The following CUL5 variants were observed in gnomAD, a reference collection of about 807,000 sequenced individuals.
The protein encoded by CUL5 is cullin 5.
A neutral mutation model predicts 108.8 loss-of-function variants in CUL5; 26 were observed. The observed-to-expected ratio is 0.24, with a 90% CI of 0.18 to 0.33. CUL5 has a LOEUF of 0.33. CUL5 is among the 10% of genes least tolerant of loss of function. CUL5 has a pLI of 1.00. For synonymous variants in CUL5, 334 were observed against 298.0 expected (o/e 1.12, Z -1.25); for missense variants, 524 against 909.2 (o/e 0.58, Z 5.45).
Position 108,104,370 on chromosome 11 carries a change from A to T in CUL5, c.2329A>T (p.Ile777Leu). The T allele has an allele frequency of 6.5e-7, 1 of 1,550,144 alleles. No homozygotes were observed. Among genetic ancestry groups the T allele is most frequent in the Non-Finnish European group, 8.7e-7 (1 of 1,154,570 alleles). The change falls in exon 19 of 19, where the codon ATA (isoleucine) becomes TTA (leucine). Residue 777 changes from isoleucine to leucine, a missense_variant. Physicochemically the swap from Ile to Leu is conservative, Grantham distance 5. Around this residue, in one of 8 missense-constraint regions of CUL5, gnomAD observed 22 missense variants for 70.5 expected, o/e 0.31. Transcript: ENST00000393094. ...AGATGAATCTGATATCAACACTTTCATATATATGGCATAATTTTGAATATC... is the reference window on the plus strand; with the variant it reads ...AGATGAATCTGATATCAACACTTTCTTATATATGGCATAATTTTGAATATC... ...RRDESDINTFIYMA is the reference protein window; with the variant it reads ...RRDESDINTFLYMA
chr11:108,033,760 T>G (rs1203454581), intron 1 of CUL5, 42 bp from the exon 2 acceptor site: 2 of 1,224,780 alleles, frequency 1.6e-6, no homozygotes, highest in African/African-American at 3.1e-5. Flanking sequence ...TTTATTTAAC[T>G]GCATTTAAAT....
intron 13 of CUL5, among the ~76,000 whole-genome samples, chr11:108,092,811 TA>T (rs1314202551): frequency 1.3e-5 from 2 of 152,160 alleles, no homozygotes; most frequent in Non-Finnish European, 2.9e-5. Flanking sequence ...ATTTTATTTT[TA>T]TTTTTATTTT....
At chr11:108,055,794 C>G (rs1863362865) in intron 7 of CUL5, among the ~76,000 whole-genome samples, 1 of 152,066 alleles carries the variant, frequency 6.6e-6, no homozygotes, top group African/African-American at 2.4e-5. Context: ...CCATGCCTGG[C>G]TAATTTTTTT....
intron 18 of CUL5, among the ~76,000 whole-genome samples, chr11:108,102,745 T>A (rs1324672342): frequency 6.6e-6 from 1 of 152,190 alleles, no homozygotes; most frequent in Admixed American, 6.6e-5. Flanking sequence ...TAAAAGCAAA[T>A]GTTACTTCTT....
At chr11:108,079,414 T>G (rs1027274051) in intron 11 of CUL5, among the ~76,000 whole-genome samples, 3 of 152,054 alleles carry the variant, frequency 2.0e-5, no homozygotes, top group African/African-American at 7.2e-5. Flanking sequence ...TCCCAAGCAT[T>G]TTTTTTAATG....
intron 11 of CUL5, among the ~76,000 whole-genome samples, chr11:108,078,998 G>T (rs1293960516): frequency 6.6e-6 from 1 of 152,096 alleles, no homozygotes; most frequent in African/African-American, 2.4e-5. Flanking sequence ...TTTATAAACT[G>T]TGAAATATGT....
In CUL5 at chr11:108,091,732, C is replaced by CACAT. The variant is rs1555024090; in HGVS notation, c.1443+2109_1443+2110insACAT. ...ACACACACACACACACACACACACACGACAAATAATTAAAAGCAGGCAAAG... is the reference window on the plus strand; with the variant it reads ...ACACACACACACACACACACACACACACATGACAAATAATTAAAAGCAGGCAAAG... On this transcript the variant is annotated intron_variant, in intron 13 of 18. Transcript: ENST00000393094. Among the ~76,000 whole-genome samples, 1,133 of 149,920 alleles carry CACAT rather than the reference C, an allele frequency of 7.6e-3. 23 individuals carry two copies. The highest frequency in any genetic ancestry group is 0.025 in the African/African-American group (998 of 40,634).
Position 108,106,253 on chromosome 11 carries a change from A to G in CUL5, c.*1869A>G, listed in dbSNP as rs1325057712. On this transcript the variant is annotated 3_prime_UTR_variant, in exon 19 of 19. Transcript: ENST00000393094. ...TGCTTGTCCCAATACAAGAATGCCA[A>G]AGGAGGAAACAGGAAAAATTGCCGT... The G allele has an allele frequency of 6.6e-6, 1 of 152,586 alleles. No homozygotes were observed. The highest frequency in any genetic ancestry group is 1.9e-4 in the East Asian group (1 of 5,198). The allele number at this position is 152,586 out of a possible 1,614,324, so 9.5% of individuals were successfully genotyped here.
rs1301634581 is a variant in CUL5 at position 108,105,543 on chromosome 11, A to T, written c.*1159A>T. On this transcript the variant is annotated 3_prime_UTR_variant, in exon 19 of 19. Coordinates refer to ENST00000393094, the MANE Select transcript of CUL5 (RefSeq NM_003478.6). The stretch of plus-strand genomic sequence containing the variant: ...ATGTACATATATATTTATATATTTT[A>T]AAAATAAACATTTTTTAAATCGTCA... 1 of 152,330 alleles carries T rather than the reference A, an allele frequency of 6.6e-6. No individual in the cohort carries two copies. The highest frequency in any genetic ancestry group is 1.5e-5 in the Non-Finnish European group (1 of 67,982). 9.4% of individuals were successfully genotyped at this position (152,330 alleles called of 1,614,324 possible).
At chr11:108,104,161 T>C (rs994274001) in intron 18 of CUL5, 29 bp from the exon 19 acceptor site, 4 of 1,426,754 alleles carry the variant, frequency 2.8e-6, no homozygotes, top group Non-Finnish European at 3.8e-6. Context: ...CGTATATTAA[T>C]GCGCTTTTAT....
At chr11:108,023,175 G>A (rs1862369181) in intron 1 of CUL5, among the ~76,000 whole-genome samples, 1 of 152,186 alleles carries the variant, frequency 6.6e-6, no homozygotes, top group Non-Finnish European at 1.5e-5. Flanking sequence ...CTTGAACCAG[G>A]GAGGCAGAGG....
At chr11:108,068,716 C>T (rs1166588292) in intron 7 of CUL5, among the ~76,000 whole-genome samples, 1 of 152,060 alleles carries the variant, frequency 6.6e-6, no homozygotes, top group Non-Finnish European at 1.5e-5. Flanking sequence ...TTCATCTGAT[C>T]CCCAAAAGAG....
intron 13 of CUL5, among the ~76,000 whole-genome samples, chr11:108,092,950 G>A (rs1233296942): frequency 1.3e-5 from 2 of 152,140 alleles, no homozygotes; most frequent in Non-Finnish European, 2.9e-5. Context: ...CTGAGTAGCT[G>A]GGATTACAGG....
intron 4 of CUL5, among the ~76,000 whole-genome samples, chr11:108,051,582 A>G (rs558221286): frequency 2.3e-4 from 35 of 152,352 alleles, no homozygotes; most frequent in African/African-American, 8.4e-4. Flanking sequence ...TCATTAATGT[A>G]TCTCCTACAT....
At chr11:108,030,371 C>T (rs1018684217) in intron 1 of CUL5, among the ~76,000 whole-genome samples, 1 of 152,206 alleles carries the variant, frequency 6.6e-6, no homozygotes, top group African/African-American at 2.4e-5. Context: ...GGTGCGGTGG[C>T]TCACGCCTGT....
chr11:108,011,368 C>T (rs1453657402), intron 1 of CUL5, among the ~76,000 whole-genome samples: 1 of 152,198 alleles, frequency 6.6e-6, no homozygotes, highest in East Asian at 1.9e-4. Flanking sequence ...TGTGGAAATT[C>T]TGAATCTACA....
chr11:108,047,693 T>C (rs931137006), intron 3 of CUL5, among the ~76,000 whole-genome samples: 14 of 152,228 alleles, frequency 9.2e-5, no homozygotes, highest in African/African-American at 3.4e-4. Context: ...AAAATCTGTT[T>C]TCAAGCACTT....
At chr11:108,065,034 A>T (rs1025813360) in intron 7 of CUL5, among the ~76,000 whole-genome samples, 2 of 150,754 alleles carry the variant, frequency 1.3e-5, no homozygotes, top group Non-Finnish European at 3.0e-5. Context: ...TAATTAATTA[A>T]TTTTTTTTTG....
chr11:108,027,582 T>G (rs1046449454), intron 1 of CUL5, among the ~76,000 whole-genome samples: 1 of 152,102 alleles, frequency 6.6e-6, no homozygotes, highest in African/African-American at 2.4e-5. Context: ...AAATTTTTTG[T>G]ATTTTTAGTA....
Sources: gnomAD v4.1 joint callset for allele counts (sites outside exome capture counted in the v4.1 genomes callset) on GRCh38, gnomAD v4.1.1 for gene constraint, gnomAD v4.1.1 regional missense constraint, MANE v1.5 for transcripts, NCBI Gene and HGNC (gene_info 2026-07-23, HGNC 2026-07-21) for gene names.